SPACA6: variants seen among roughly 807,000 people sequenced by gnomAD.
The protein encoded by SPACA6 is sperm acrosome associated 6.
For synonymous variants in SPACA6, 6 were observed against 1.5 expected (o/e 4.05, Z -2.21); for missense variants, 8 against 2.8 (o/e 2.88, Z -1.34).
At chr19:51,689,498 A>G (rs2083351320), upstream of SPACA6, 1 of 141,980 alleles carries the variant, frequency 7.0e-6, no homozygotes, top group South Asian at 2.3e-4. Context: ...GAGGATGGAG[A>G]GCGCTCGGCG....
At chr19:51,697,293 G>A (rs975962495) in intron 2 of SPACA6, among the ~76,000 whole-genome samples, 12 of 152,192 alleles carry the variant, frequency 7.9e-5, no homozygotes, top group Admixed American at 2.0e-4. Context: ...CCTGGACAAA[G>A]GCAGGAAGAC....
In SPACA6 at chr19:51,693,382, T is replaced by A. The variant is rs760430790; in HGVS notation, c.-145T>A. 38 of 700,682 alleles carry A rather than the reference T, an allele frequency of 5.4e-5. No homozygotes were observed. Among genetic ancestry groups the A allele is most frequent in the Non-Finnish European group, 6.5e-5 (24 of 369,452 alleles). 43.4% of individuals were successfully genotyped at this position (700,682 alleles called of 1,614,324 possible). On this transcript the variant is annotated 5_prime_UTR_variant, in exon 1 of 9. Coordinates refer to ENST00000637797, the MANE Select transcript of SPACA6 (RefSeq NM_001316972.2). The stretch of plus-strand genomic sequence containing the variant: ...AATTGCTGGCCTGACTTCTGACCCC[T>A]GACTCCTCATACCCTTCCTCCAGAG...
chr19:51,700,837 G>A (rs2083463416), intron 2 of SPACA6, among the ~76,000 whole-genome samples: 2 of 152,208 alleles, frequency 1.3e-5, no homozygotes, highest in Non-Finnish European at 2.9e-5. Flanking sequence ...TGTGGTGATG[G>A]AAGGATGATT....
downstream of SPACA6, among the ~76,000 whole-genome samples, chr19:51,707,795 T>G (rs2083522979): frequency 6.6e-6 from 1 of 152,248 alleles, no homozygotes; most frequent in African/African-American, 2.4e-5. Context: ...CTAGAATAGC[T>G]TGAATAACTC....
At chr19:51,696,414 G>A (rs2083431343) in intron 2 of SPACA6, among the ~76,000 whole-genome samples, 1 of 152,102 alleles carries the variant, frequency 6.6e-6, no homozygotes, top group African/African-American at 2.4e-5. Context: ...CCCTGCCATG[G>A]AGGAAAACAG....
chr19:51,701,650 C>G lies in SPACA6; in HGVS notation c.293-8C>G, dbSNP rs150311148. On this transcript the variant is annotated splice_polypyrimidine_tract_variant and splice_region_variant and intron_variant, in intron 2 of 8. Transcript: ENST00000637797. ...ACTACACAGGCCGTCCTCCCCTCCA[C>G]TCTCCAGGATCCTTTGAGGTTGCCT... 4.4e-4 allele frequency: 177 copies of G among 399,104 alleles called. 1 individual carries two copies. In the East Asian group the frequency reaches 6.2e-3, roughly 14 times the overall value. 24.7% of individuals were successfully genotyped at this position (399,104 alleles called of 1,614,324 possible).
rs1300909905 is a variant in SPACA6, at chr19:51,703,838, G to A, written c.574-192G>A. Among the ~76,000 whole-genome samples, 3 of 152,044 alleles carry A rather than the reference G, an allele frequency of 2.0e-5. No homozygotes were observed. The highest frequency in any genetic ancestry group is 4.4e-5 in the Non-Finnish European group (3 of 67,992). On this transcript the variant is annotated intron_variant, in intron 6 of 8. Transcript: ENST00000637797. This position sits in a 1 kb window ranked among gnomAD's most constrained non-coding sequence, Gnocchi z 4.2. ...ACATAAATAAAAGCAGTTTCTAGGG[G>A]TAGGTTATGCGTAAGGGTTTAAGGA...
chr19:51,707,226 C>G (rs1170288495), downstream of SPACA6, among the ~76,000 whole-genome samples: 2 of 137,752 alleles, frequency 1.5e-5, no homozygotes, highest in African/African-American at 6.1e-5. Flanking sequence ...GTTTCTCTCT[C>G]TCCCTTTTTT....
downstream of SPACA6, among the ~76,000 whole-genome samples, chr19:51,709,806 GGTC>G (rs1334120099): frequency 6.6e-6 from 1 of 152,102 alleles, no homozygotes; most frequent in East Asian, 1.9e-4. Flanking sequence ...TGGGGAACAA[GGTC>G]GTGAGGAGCA....
chr19:51,693,932 A>C, intron 1 of SPACA6, 192 bp downstream of exon 1: 1 of 386,228 alleles, frequency 2.6e-6, no homozygotes. Context: ...GCAAAGACTC[A>C]GAGAGGGGAG....
downstream of SPACA6, among the ~76,000 whole-genome samples, chr19:51,705,762 T>C (rs188852191): frequency 1.2e-4 from 18 of 152,252 alleles, no homozygotes; most frequent in Non-Finnish European, 2.5e-4. Context: ...AGTGATGTGA[T>C]GTCAGCTCAC....
Position 51,703,058 on chromosome 19 carries a change from G to C in SPACA6, c.423G>C (p.Gly141=). Residue 141 remains glycine, a synonymous_variant, in exon 5 of 9, where the codon GGG becomes GGC. Transcript: ENST00000637797. The surrounding 1 kb of genome is among the most constrained non-coding windows in gnomAD (Gnocchi z 4.2). The part of the protein sequence containing the change: ...QEFARRFLCS[G]CYSRVCDLPL... Reference sequence around the variant, plus strand: ...TCGCCCGGCGTTTCCTCTGCAGCGGGTGCTACTCTAGGGTCTGCGACCTCC... The same window carrying C: ...TCGCCCGGCGTTTCCTCTGCAGCGGCTGCTACTCTAGGGTCTGCGACCTCC... The C allele has an allele frequency of 2.5e-6, 1 of 399,264 alleles. No homozygotes were observed. 24.7% of individuals were successfully genotyped at this position (399,264 alleles called of 1,614,324 possible).
chr19:51,712,614 G>T (rs1412652481), downstream of SPACA6, among the ~76,000 whole-genome samples: 2 of 152,170 alleles, frequency 1.3e-5, no homozygotes, highest in Admixed American at 6.6e-5. Context: ...GAAGAGGTTG[G>T]CACTGGCTTG....
chr19:51,698,283 G>A (rs776475486), intron 2 of SPACA6, among the ~76,000 whole-genome samples: 9 of 152,094 alleles, frequency 5.9e-5, no homozygotes, highest in African/African-American at 1.2e-4. Flanking sequence ...AGCTCCTGAC[G>A]ATATGCAACT....
chr19:51,703,299 G>C lies in SPACA6; in HGVS notation c.535G>C (p.Glu179Gln), dbSNP rs922120119. Residue 179 changes from glutamate to glutamine, a missense_variant, in exon 6 of 9, where the codon GAG becomes CAG. Coordinates refer to ENST00000637797, the MANE Select transcript of SPACA6 (RefSeq NM_001316972.2). The surrounding 1 kb of genome is among the most constrained non-coding windows in gnomAD (Gnocchi z 4.2). ...SCIVNFQLPKEEITYSWKFAG... is the reference protein window; with the variant it reads ...SCIVNFQLPKQEITYSWKFAG... ...CATCGTAAACTTCCAGCTGCCAAAGGAGGAGATCACCTATTCCTGGAAGTT... is the reference window on the plus strand; with the variant it reads ...CATCGTAAACTTCCAGCTGCCAAAGCAGGAGATCACCTATTCCTGGAAGTT... The C allele has an allele frequency of 7.5e-6, 3 of 399,380 alleles. No homozygotes were observed. The East Asian group carries it at 1.1e-4, about 14-fold the overall frequency. 24.7% of individuals were successfully genotyped at this position (399,380 alleles called of 1,614,324 possible).
upstream of SPACA6, chr19:51,686,466 C>G (rs540220630): frequency 6.6e-6 from 1 of 152,318 alleles, no homozygotes; most frequent in East Asian, 1.9e-4. Flanking sequence ...CTGTCCTGAT[C>G]TGTCTACAGG....
At chr19:51,691,390 AAG>A (rs2083371271), upstream of SPACA6, among the ~76,000 whole-genome samples, 1 of 149,460 alleles carries the variant, frequency 6.7e-6, no homozygotes, top group African/African-American at 2.5e-5. Context: ...CATCCGAAAA[AAG>A]GGGGTGGAGA....
chr19:51,707,589 T>C (rs569442958), downstream of SPACA6, among the ~76,000 whole-genome samples: 27 of 152,256 alleles, frequency 1.8e-4, no homozygotes, highest in African/African-American at 6.0e-4. Flanking sequence ...CCTGCCCCCA[T>C]ACCAACCAGT....
chr19:51,711,615 C>G (rs1428743281), intron 2 of SPACA6, among the ~76,000 whole-genome samples: 8 of 152,216 alleles, frequency 5.3e-5, no homozygotes, highest in Admixed American at 3.3e-4. Context: ...ATCATTCATA[C>G]AGCCAAGAGG....
Sources: gnomAD v4.1 joint callset for allele counts (sites outside exome capture counted in the v4.1 genomes callset) on GRCh38, gnomAD v4.1.1 for gene constraint, Gnocchi (gnomAD v3.1) non-coding constraint, MANE v1.5 for transcripts, NCBI Gene and HGNC (gene_info 2026-07-23, HGNC 2026-07-21) for gene names.